Variants in HDGFL3 observed in about 807,000 individuals in gnomAD.
HDGFL3 encodes the protein HDGF like 3, also known as hepatoma-derived growth factor-related protein 3.
HDGFL3 carries 6 observed loss-of-function variants against 27.6 expected under a neutral mutation model. The observed-to-expected ratio is 0.22, with a 90% CI of 0.12 to 0.43. HDGFL3 has a LOEUF of 0.43. Among genes scored for constraint, HDGFL3 ranks in the 20% least tolerant of loss-of-function variants. The probability of loss-of-function intolerance (pLI) is 1.00; values close to 1 mark genes in which losing one functional copy is unlikely to be tolerated. For missense variants in HDGFL3, 207 were observed against 250.1 expected, an observed-to-expected ratio of 0.83 and a Z score of 1.16; for synonymous variants, 88 against 88.9, an observed-to-expected ratio of 0.99 and a Z score of 0.05.
intron 1 of HDGFL3, among the ~76,000 whole-genome samples, chr15:83,197,346 A>T (rs2037583795): frequency 6.6e-6 from 1 of 152,234 alleles, no homozygotes; most frequent in Admixed American, 6.5e-5. Flanking sequence ...TCAGTGAGCC[A>T]GATGTAAGAC....
At chr15:83,169,955 T>C (rs2037224711) in intron 1 of HDGFL3, among the ~76,000 whole-genome samples, 1 of 152,140 alleles carries the variant, frequency 6.6e-6, no homozygotes, top group Non-Finnish European at 1.5e-5. Flanking sequence ...AAATCAAGAA[T>C]GCAATCCAGT....
In HDGFL3 at chr15:83,133,332, AC is replaced by A. The variant is rs1464888377; in HGVS notation, c.*5937del. 2.6e-5 allele frequency: 4 copies of A among 152,252 alleles called. No individual in the cohort carries two copies. The allele number at this position is 152,252 out of a possible 1,614,324, so 9.4% of individuals were successfully genotyped here. On this transcript the variant is annotated 3_prime_UTR_variant, in exon 6 of 6. Coordinates refer to ENST00000299633, the MANE Select transcript of HDGFL3 (RefSeq NM_016073.4). Reference sequence around the variant, plus strand: ...CCTATAACATTCACATGGACATATAACACTCTTTCAGTTCCTCCTTGTGGAA... The same window carrying A: ...CCTATAACATTCACATGGACATATAAACTCTTTCAGTTCCTCCTTGTGGAA...
At position 83,130,270 on chromosome 15, in the gene HDGFL3, G is replaced by A. The variant is rs1020263644; in HGVS notation, c.*9000C>T. On this transcript the variant is annotated 3_prime_UTR_variant, in exon 6 of 6. Coordinates refer to ENST00000299633, the MANE Select transcript of HDGFL3 (RefSeq NM_016073.4). ...GCTTAGAGGAAAATGGGTGTGGTAA[G>A]CCTGTAGCAATAAGACAAACCCTAA... The A allele has an allele frequency of 6.6e-6, 1 of 152,314 alleles. No individual in the cohort carries two copies. The highest frequency in any genetic ancestry group is 6.5e-5 in the Admixed American group (1 of 15,284). The allele number at this position is 152,314 out of a possible 1,614,324, so 9.4% of individuals were successfully genotyped here. A position where few individuals can be genotyped will look rare whatever the true frequency, so the allele number is the denominator to read the frequency against.
intron 1 of HDGFL3, among the ~76,000 whole-genome samples, chr15:83,203,121 T>A (rs1297918523): frequency 6.6e-6 from 1 of 152,122 alleles, no homozygotes; most frequent in African/African-American, 2.4e-5. Flanking sequence ...ATAATTCTCA[T>A]ATAAAGTTTT....
intron 1 of HDGFL3, among the ~76,000 whole-genome samples, chr15:83,195,185 A>T (rs1280713827): frequency 6.6e-6 from 1 of 152,154 alleles, no homozygotes; most frequent in African/African-American, 2.4e-5. Flanking sequence ...ATTCTTGTTC[A>T]TTTAGTCTAA....
intron 5 of HDGFL3, among the ~76,000 whole-genome samples, chr15:83,144,112 C>T (rs1050952800): frequency 4.6e-5 from 7 of 152,172 alleles, no homozygotes; most frequent in Admixed American, 4.6e-4. Flanking sequence ...TTCACTGCAG[C>T]CCTCCTGGAC....
intron 5 of HDGFL3, chr15:83,144,656 C>T (rs1349323013): frequency 2.6e-6 from 1 of 391,592 alleles, no homozygotes; most frequent in Non-Finnish European, 5.0e-6. Flanking sequence ...CTGCCAGGAA[C>T]AATTTGAGTG....
chr15:83,196,343 G>A (rs912969384), intron 1 of HDGFL3, among the ~76,000 whole-genome samples: 1 of 151,680 alleles, frequency 6.6e-6, no homozygotes, highest in Non-Finnish European at 1.5e-5. Flanking sequence ...CATATGAAAA[G>A]AACACTAAAT....
rs1029308469 is a variant in HDGFL3, at chr15:83,193,580, C to T, written c.84+13751G>A. Among the ~76,000 whole-genome samples the T allele has an allele frequency of 6.6e-5, 10 of 152,174 alleles. No homozygotes were observed. In the East Asian group the frequency reaches 1.9e-3, roughly 29 times the overall value. Reference sequence around the variant, plus strand: ...TTGAAGTAGAAGGCAGGGCTTAGACCCTGGACCAGATTGAAGACTAGCAGA... The same window carrying T: ...TTGAAGTAGAAGGCAGGGCTTAGACTCTGGACCAGATTGAAGACTAGCAGA... On this transcript the variant is annotated intron_variant, in intron 1 of 5. Transcript: ENST00000299633.
chr15:83,188,738 C>A (rs1272599410), intron 1 of HDGFL3, among the ~76,000 whole-genome samples: 1 of 152,124 alleles, frequency 6.6e-6, no homozygotes, highest in Non-Finnish European at 1.5e-5. Flanking sequence ...TACCTACCTA[C>A]ACTTACTTAC....
rs549283179 is a variant in HDGFL3 at position 83,144,561 on chromosome 15, T to C, written c.607-5286A>G. ...GTGAGCTGCCTCATGGTGAGATCCA[T>C]GGGGCAAGGCATCAGAGGAGGCCTC... is the stretch of plus-strand genomic sequence containing the variant. On this transcript the variant is annotated intron_variant, in intron 5 of 5. Coordinates refer to ENST00000299633, the MANE Select transcript of HDGFL3 (RefSeq NM_016073.4). The C allele has an allele frequency of 2.7e-4, 125 of 455,940 alleles. 1 individual carries two copies. The highest frequency in any genetic ancestry group is 2.2e-3 in the African/African-American group (112 of 50,158). 28.2% of individuals were successfully genotyped at this position (455,940 alleles called of 1,614,324 possible). A position where few individuals can be genotyped will look rare whatever the true frequency, so the allele number is the denominator to read the frequency against.
chr15:83,124,154 G>C (rs1422041766), downstream of HDGFL3, among the ~76,000 whole-genome samples: 4 of 152,290 alleles, frequency 2.6e-5, no homozygotes, highest in East Asian at 7.7e-4. Flanking sequence ...TTTTAAACAT[G>C]TGGGAAAGTG....
chr15:83,196,945 G>T (rs1195100232), intron 1 of HDGFL3, among the ~76,000 whole-genome samples: 1 of 152,172 alleles, frequency 6.6e-6, no homozygotes, highest in Non-Finnish European at 1.5e-5. Context: ...AACATCTGAG[G>T]AAGATGTACA....
intron 4 of HDGFL3, among the ~76,000 whole-genome samples, chr15:83,157,072 G>C (rs2037039025): frequency 6.6e-6 from 1 of 152,142 alleles, no homozygotes; most frequent in East Asian, 1.9e-4. Flanking sequence ...ACATAGTCTT[G>C]AATTATATTG....
intron 4 of HDGFL3, 84 bp downstream of exon 4, chr15:83,157,331 C>T (rs773738936): frequency 9.9e-6 from 13 of 1,310,760 alleles, no homozygotes; most frequent in Admixed American, 1.7e-5. Flanking sequence ...TTTCTATGTA[C>T]CCAATAAACA....
At chr15:83,142,948 T>G (rs1443186883) in intron 5 of HDGFL3, among the ~76,000 whole-genome samples, 1 of 152,204 alleles carries the variant, frequency 6.6e-6, no homozygotes, top group African/African-American at 2.4e-5. Context: ...TTTTTAAAAT[T>G]TGTTTTTATT....
chr15:83,181,850 C>G (rs1434635672), intron 1 of HDGFL3, among the ~76,000 whole-genome samples: 1 of 152,188 alleles, frequency 6.6e-6, no homozygotes. Context: ...CCTCCACAAT[C>G]CTCCTTGGTC....
intron 1 of HDGFL3, among the ~76,000 whole-genome samples, chr15:83,202,826 G>GT (rs1277604561): frequency 6.6e-6 from 1 of 152,052 alleles, no homozygotes; most frequent in African/African-American, 2.4e-5. Context: ...AGTGACCACT[G>GT]TATCAGTAAT....
downstream of HDGFL3, chr15:83,127,716 G>A (rs1448675761): frequency 2.6e-6 from 1 of 386,934 alleles, no homozygotes; most frequent in Non-Finnish European, 4.7e-6. Context: ...GTGGTCCAGT[G>A]AAGTTAAATG....
Sources: gnomAD v4.1 joint callset for allele counts (sites outside exome capture counted in the v4.1 genomes callset) on GRCh38, gnomAD v4.1.1 for gene constraint, MANE v1.5 for transcripts, NCBI Gene and HGNC (gene_info 2026-07-23, HGNC 2026-07-21) for gene names.